The following FLOT2 variants were observed in gnomAD, a reference collection of about 807,000 sequenced individuals.
FLOT2 encodes the protein flotillin-2.
Under a neutral mutation model 54.9 loss-of-function variants are expected in FLOT2, and 35 were observed. That is an observed-to-expected ratio of 0.64 (90% CI 0.49 to 0.84). The LOEUF is 0.84. Ranked by LOEUF, FLOT2 falls within the 40% of genes least tolerant of loss-of-function variation. The pLI is 0.00. For synonymous variants in FLOT2, 207 were observed against 228.9 expected (o/e 0.90, Z 0.86); for missense variants, 464 against 572.1 (o/e 0.81, Z 1.93).
chr17:28,879,367 G>C lies in FLOT2; in HGVS notation c.*1194C>G. ...GCATTAAGAGTTCTTTATTTTACCA[G>C]AAGGGACAGGCAGTGGGGCAGTGCA... On this transcript the variant is annotated 3_prime_UTR_variant, in exon 11 of 11. Transcript: ENST00000394908. The C allele has an allele frequency of 1.0e-6, 1 of 988,256 alleles. No homozygotes were observed. The highest frequency in any genetic ancestry group is 1.2e-6 in the Non-Finnish European group (1 of 830,232). 61.2% of individuals were successfully genotyped at this position (988,256 alleles called of 1,614,324 possible). A position where few individuals can be genotyped will look rare whatever the true frequency, so the allele number is the denominator to read the frequency against.
chr17:28,887,382 C>G (rs1412718124), intron 2 of FLOT2, among the ~76,000 whole-genome samples: 2 of 152,276 alleles, frequency 1.3e-5, no homozygotes, highest in East Asian at 3.9e-4. Flanking sequence ...GGCTGCCCCC[C>G]AGAAAAGGTG....
intron 1 of FLOT2, among the ~76,000 whole-genome samples, chr17:28,890,508 TC>T (rs1182890470): frequency 6.6e-6 from 1 of 151,582 alleles, no homozygotes; most frequent in Non-Finnish European, 1.5e-5. Context: ...TGCCTCAGCC[TC>T]CCGAATAGCT....
At chr17:28,892,410 G>A (rs2039667144) in intron 1 of FLOT2, 1 of 148,360 alleles carries the variant, frequency 6.7e-6, no homozygotes, top group Non-Finnish European at 1.5e-5. Context: ...CCAGGCTGGA[G>A]TGCACTGGCG....
Position 28,879,570 on chromosome 17 carries a change from T to C in FLOT2, c.*991A>G, listed in dbSNP as rs1223283497. ...CAAGGAGACAGAGGATTGGGTTGCT[T>C]CCCCATGGCTGGAACCCCATCACTC... On this transcript the variant is annotated 3_prime_UTR_variant, in exon 11 of 11. Transcript: ENST00000394908. 2.0e-6 allele frequency: 2 copies of C among 985,708 alleles called. No homozygotes were observed. Among genetic ancestry groups the C allele is most frequent in the Non-Finnish European group, 2.4e-6 (2 of 830,016 alleles). The allele number at this position is 985,708 out of a possible 1,614,324, so 61.1% of individuals were successfully genotyped here. A position where few individuals can be genotyped will look rare whatever the true frequency, so the allele number is the denominator to read the frequency against.
chr17:28,897,644 GC>G lies in FLOT2; in HGVS notation c.-71del. The G allele has an allele frequency of 7.8e-7, 1 of 1,284,894 alleles. No individual in the cohort carries two copies. The highest frequency in any genetic ancestry group is 1.0e-6 in the Non-Finnish European group (1 of 993,104). The allele number at this position is 1,284,894 out of a possible 1,614,324, so 79.6% of individuals were successfully genotyped here. A position where few individuals can be genotyped will look rare whatever the true frequency, so the allele number is the denominator to read the frequency against. On this transcript the variant is annotated 5_prime_UTR_variant, in exon 1 of 11. Transcript: ENST00000394908. This position sits in a 1 kb window ranked among gnomAD's most constrained non-coding sequence, Gnocchi z 4.4. ...CAACAGCAGCGGGTCTGCAGCGCCGGCCGCGCCCAGCCTATCCCGCCACCCC... is the reference window on the plus strand; with the variant it reads ...CAACAGCAGCGGGTCTGCAGCGCCGGCGCGCCCAGCCTATCCCGCCACCCC...
At position 28,882,487 on chromosome 17, in the gene FLOT2, C is replaced by T; in HGVS notation, c.466-37G>A. On this transcript the variant is annotated intron_variant, in intron 5 of 10. Coordinates refer to ENST00000394908, the MANE Select transcript of FLOT2 (RefSeq NM_004475.3). The surrounding 1 kb of genome is among the most constrained non-coding windows in gnomAD (Gnocchi z 5.6). ...AGGGGGTATCAGAGGCTCAAAGGAG[C>T]AGCCAGAGGCACAAAGGTGCCCCTC... The T allele has an allele frequency of 6.3e-7, 1 of 1,599,080 alleles. No individual in the cohort carries two copies. Among genetic ancestry groups the T allele is most frequent in the Admixed American group, 1.7e-5 (1 of 60,022 alleles).
At chr17:28,886,285 C>T (rs1364660656) in intron 2 of FLOT2, among the ~76,000 whole-genome samples, 10 of 152,374 alleles carry the variant, frequency 6.6e-5, no homozygotes, top group Admixed American at 6.5e-4. Flanking sequence ...TTGCCCGCCA[C>T]CTCACTTTCC....
In FLOT2 at chr17:28,880,811, G is replaced by C. The variant is rs1429588041; in HGVS notation, c.1150C>G (p.Leu384Val). 1 of 1,614,008 alleles carries C rather than the reference G, an allele frequency of 6.2e-7. No individual in the cohort carries two copies. Among genetic ancestry groups the C allele is most frequent in the Admixed American group, 1.7e-5 (1 of 60,008 alleles). Reference sequence around the variant, plus strand: ...GTGACCTTACTGTTGTCTCCACTGAGGACCACAATCTCATCGACCTTGGTA... The same window carrying C: ...GTGACCTTACTGTTGTCTCCACTGACGACCACAATCTCATCGACCTTGGTA... ...PLTKVDEIVV[L>V]SGDNSKVTSE... is the part of the protein sequence containing the mutation. The change falls in exon 10 of 11, where the codon CTC becomes GTC. Residue 384 changes from leucine to valine, a missense_variant. Coordinates refer to ENST00000394908, the MANE Select transcript of FLOT2 (RefSeq NM_004475.3).
intron 2 of FLOT2, chr17:28,885,878 T>G (rs914807665): frequency 1.9e-6 from 3 of 1,549,262 alleles, no homozygotes; most frequent in South Asian, 2.4e-5. Context: ...CTGTTACGAA[T>G]AGTGGAACCC....
rs2039490376 is a variant in FLOT2 at position 28,883,424 on chromosome 17, C to A, written c.223-193G>T. On this transcript the variant is annotated intron_variant, in intron 3 of 10. Transcript: ENST00000394908. This position sits in a 1 kb window ranked among gnomAD's most constrained non-coding sequence, Gnocchi z 5.0. ...CACAAGGGCTTCTCTCACTATGAAA[C>A]TTCTCCTGCACTGACAGCCCCAGGC... Among the ~76,000 whole-genome samples the A allele has an allele frequency of 6.6e-6, 1 of 152,138 alleles. No homozygotes were observed.
At chr17:28,888,250 T>C (rs2039582204) in intron 2 of FLOT2, among the ~76,000 whole-genome samples, 1 of 152,150 alleles carries the variant, frequency 6.6e-6, no homozygotes, top group South Asian at 2.1e-4. Context: ...GCAGTGAGGG[T>C]GGCAGGAGAG....
chr17:28,890,178 C>G (rs918402007), intron 1 of FLOT2, among the ~76,000 whole-genome samples: 1 of 152,002 alleles, frequency 6.6e-6, no homozygotes. Flanking sequence ...CTCATGGGAA[C>G]GGGTGGGGAA....
Position 28,879,821 on chromosome 17 carries a change from A to G in FLOT2, c.*740T>C, listed in dbSNP as rs1359295290. 1.0e-6 allele frequency: 1 copy of G among 986,024 alleles called. No individual in the cohort carries two copies. Among genetic ancestry groups the G allele is most frequent in the African/African-American group, 1.7e-5 (1 of 57,262 alleles). The allele number at this position is 986,024 out of a possible 1,614,324, so 61.1% of individuals were successfully genotyped here. ...ACCAAACCGCACCGCCCCAGCAGGAACATGCCCATGAAGAGGCCTTCCCTG... is the reference window on the plus strand; with the variant it reads ...ACCAAACCGCACCGCCCCAGCAGGAGCATGCCCATGAAGAGGCCTTCCCTG... On this transcript the variant is annotated 3_prime_UTR_variant, in exon 11 of 11. Transcript: ENST00000394908.
intron 1 of FLOT2, among the ~76,000 whole-genome samples, chr17:28,891,499 G>A (rs2039650690): frequency 2.0e-5 from 3 of 152,238 alleles, no homozygotes; most frequent in South Asian, 4.1e-4. Context: ...TCCAGGCAAG[G>A]CATGGTGGCT....
In FLOT2 at chr17:28,881,920, C is replaced by T. The variant is rs771534345; in HGVS notation, c.808G>A (p.Val270Met). The T allele has an allele frequency of 6.8e-6, 11 of 1,613,994 alleles. No individual in the cohort carries two copies. The highest frequency in any genetic ancestry group is 4.5e-5 in the East Asian group (2 of 44,888). The change falls in exon 8 of 11, where the codon GTG (valine) becomes ATG (methionine). Residue 270 changes from valine to methionine, a missense_variant. Coordinates refer to ENST00000394908, the MANE Select transcript of FLOT2 (RefSeq NM_004475.3). Reference protein sequence around the residue: ...EVVQRKKQIAVEAQEILRTDK... With the variant: ...EVVQRKKQIAMEAQEILRTDK... The stretch of plus-strand genomic sequence containing the variant: ...GTACGCAGGATCTCCTGTGCCTCCA[C>T]GGCAATCTGTTTCTTGCGCTGCACA...
intron 2 of FLOT2, chr17:28,886,000 G>C: frequency 1.9e-6 from 2 of 1,025,832 alleles, no homozygotes; most frequent in Non-Finnish European, 1.4e-6. Context: ...GGAAGGAGGG[G>C]ACACAGCAAA....
intron 1 of FLOT2, among the ~76,000 whole-genome samples, chr17:28,891,502 T>C (rs964290598): frequency 3.9e-5 from 6 of 152,196 alleles, no homozygotes; most frequent in African/African-American, 1.4e-4. Flanking sequence ...AGGCAAGGCA[T>C]GGTGGCTGAT....
chr17:28,883,116 G>C lies in FLOT2; in HGVS notation c.338C>G (p.Ser113Cys). ...GCTGAACAGGGCCTCACCGAGGATG[G>C]AGCGCAGATGTCCCTCCAGGGTCTG... ...VLQTLEGHLR[S>C]ILGTLTVEQI... The change falls in exon 4 of 11, where the codon TCC becomes TGC. Residue 113 changes from serine to cysteine, a missense_variant. Physicochemically the swap from Ser to Cys is moderately radical, Grantham distance 112 (BLOSUM62 -1). Coordinates refer to ENST00000394908, the MANE Select transcript of FLOT2 (RefSeq NM_004475.3). The surrounding 1 kb of genome is among the most constrained non-coding windows in gnomAD (Gnocchi z 5.0). 1.2e-6 allele frequency: 2 copies of C among 1,614,094 alleles called. No homozygotes were observed. The highest frequency in any genetic ancestry group is 1.7e-6 in the Non-Finnish European group (2 of 1,180,006).
rs906766885 is a variant in FLOT2 at position 28,889,526 on chromosome 17, T to C, written c.50-500A>G. On this transcript the variant is annotated intron_variant, in intron 1 of 10. Coordinates refer to ENST00000394908, the MANE Select transcript of FLOT2 (RefSeq NM_004475.3). The stretch of plus-strand genomic sequence containing the variant: ...TTTGTATTTTTAGTACAGACAGAGT[T>C]TCATCATGTTGGCCAGGCTGGTCTC... Among the ~76,000 whole-genome samples, 6 of 151,980 alleles carry C rather than the reference T, an allele frequency of 3.9e-5. No individual in the cohort carries two copies. In the South Asian group the frequency reaches 1.0e-3, roughly 26 times the overall value.
Sources: allele counts gnomAD v4.1 joint callset (sites outside exome capture counted in the v4.1 genomes callset), GRCh38; gene constraint gnomAD v4.1.1; non-coding constraint Gnocchi (gnomAD v3.1); transcripts MANE v1.5; gene names NCBI Gene and HGNC (gene_info 2026-07-23, HGNC 2026-07-21).